The following MEGF11 variants were observed in gnomAD, a reference collection of about 807,000 sequenced individuals.
MEGF11 encodes multiple EGF like domains 11, also known as multiple epidermal growth factor-like domains protein 11.
Under a neutral mutation model 146.6 loss-of-function variants are expected in MEGF11, and 126 were observed. The observed-to-expected ratio is 0.86, with a 90% CI of 0.74 to 1.00. MEGF11 has a LOEUF of 1.00. Among genes scored for constraint, MEGF11 ranks in the 50% least tolerant of loss-of-function variants. The pLI, the probability that MEGF11 is intolerant of heterozygous loss-of-function variation, is 0.00. For synonymous variants in MEGF11, 532 were observed against 583.4 expected, an observed-to-expected ratio of 0.91 and a Z score of 1.27; for missense variants, 1,509 against 1,521.2, an observed-to-expected ratio of 0.99 and a Z score of 0.13.
intron 1 of MEGF11, among the ~76,000 whole-genome samples, chr15:66,229,208 CA>C (rs2091913504): frequency 6.6e-6 from 1 of 151,918 alleles, no homozygotes; most frequent in Admixed American, 6.6e-5. Flanking sequence ...CAAAGTCAAG[CA>C]GAAACAAATT....
intron 1 of MEGF11, among the ~76,000 whole-genome samples, chr15:66,183,297 C>T (rs1236943927): frequency 6.6e-6 from 1 of 151,990 alleles, no homozygotes; most frequent in African/African-American, 2.4e-5. Flanking sequence ...GTCAGGAGTT[C>T]GAGACCAACC....
At chr15:66,197,991 G>T (rs555121384) in intron 1 of MEGF11, among the ~76,000 whole-genome samples, 6 of 152,320 alleles carry the variant, frequency 3.9e-5, no homozygotes, top group African/African-American at 1.4e-4. Context: ...TTGGAAGGCC[G>T]CAGTGGGAGG....
At chr15:66,073,561 G>A (rs935466099) in intron 5 of MEGF11, among the ~76,000 whole-genome samples, 17 of 152,168 alleles carry the variant, frequency 1.1e-4, no homozygotes, top group Non-Finnish European at 2.4e-4. Flanking sequence ...TCCTTTCCAG[G>A]ATCTAACAGA....
chr15:66,080,804 AGTGT>A (rs2085816388), intron 5 of MEGF11, among the ~76,000 whole-genome samples: 1 of 152,174 alleles, frequency 6.6e-6, no homozygotes, highest in Admixed American at 6.5e-5. Flanking sequence ...ACTGTGCCCC[AGTGT>A]GTGGGGCTGA....
chr15:66,113,057 T>C (rs2087517907), intron 4 of MEGF11, among the ~76,000 whole-genome samples: 1 of 152,176 alleles, frequency 6.6e-6, no homozygotes, highest in Admixed American at 6.5e-5. Context: ...TAATTTGGCA[T>C]AGAGTTGACG....
intron 5 of MEGF11, among the ~76,000 whole-genome samples, chr15:66,047,842 T>C (rs532215190): frequency 3.3e-5 from 5 of 152,128 alleles, no homozygotes; most frequent in Non-Finnish European, 7.4e-5. Flanking sequence ...TTGGCCTACA[T>C]GCCCTCCCGT....
chr15:66,224,845 T>C (rs2091818008), intron 1 of MEGF11, among the ~76,000 whole-genome samples: 1 of 151,560 alleles, frequency 6.6e-6, no homozygotes, highest in African/African-American at 2.4e-5. Context: ...TCTCATTAAT[T>C]GGTTTAGTGA....
In MEGF11 at chr15:66,128,248, T is replaced by A. The variant is rs935705922; in HGVS notation, c.98+58A>T. The stretch of plus-strand genomic sequence containing the variant: ...TCTCCTGACTGCCTCTGTCCCCTAC[T>A]GCCATGCCCAGGGCGATCCCCCAGA... On this transcript the variant is annotated intron_variant, in intron 2 of 25. Transcript: ENST00000395614. The A allele has an allele frequency of 5.0e-5, 59 of 1,184,256 alleles. No individual in the cohort carries two copies. The African/African-American group carries it at 7.8e-4, about 16-fold the overall frequency. The allele number at this position is 1,184,256 out of a possible 1,614,324, so 73.4% of individuals were successfully genotyped here. A position where few individuals can be genotyped will look rare whatever the true frequency, so the allele number is the denominator to read the frequency against.
intron 1 of MEGF11, among the ~76,000 whole-genome samples, chr15:66,186,159 A>G (rs1365749938): frequency 6.6e-6 from 1 of 152,172 alleles, no homozygotes; most frequent in African/African-American, 2.4e-5. Context: ...AGGCTTCTCT[A>G]TCACTTTAGA....
In MEGF11 at chr15:66,186,631, G is replaced by T. The variant is rs117316219; in HGVS notation, c.-8-58220C>A. Reference sequence around the variant, plus strand: ...CGAGCCCCGGGCTGTGTCCATCACCGAGTGGTCCTGATCCAGCTAAGTCAA... The same window carrying T: ...CGAGCCCCGGGCTGTGTCCATCACCTAGTGGTCCTGATCCAGCTAAGTCAA... On this transcript the variant is annotated intron_variant, in intron 1 of 25. Transcript: ENST00000395614. Among the ~76,000 whole-genome samples, 364 of 152,298 alleles carry T rather than the reference G, an allele frequency of 2.4e-3. 7 individuals are homozygous for T. The East Asian group carries it at 0.047, about 20-fold the overall frequency.
At chr15:66,040,234 CAG>C (rs1360658494) in intron 5 of MEGF11, 2 of 154,838 alleles carry the variant, frequency 1.3e-5, no homozygotes, top group Non-Finnish European at 2.9e-5. Context: ...TTTAACAATT[CAG>C]AGAGGGGAAA....
At chr15:65,993,139 T>C (rs910568557) in intron 5 of MEGF11, among the ~76,000 whole-genome samples, 7 of 152,212 alleles carry the variant, frequency 4.6e-5, no homozygotes, top group Non-Finnish European at 1.5e-5. Flanking sequence ...CCTGCTGTTC[T>C]AGAGTCCAAG....
intron 1 of MEGF11, among the ~76,000 whole-genome samples, chr15:66,238,864 A>T (rs1729341971): frequency 6.6e-6 from 1 of 151,316 alleles, no homozygotes; most frequent in Non-Finnish European, 1.5e-5. Context: ...GTCACCTTCA[A>T]ATAAACCATC....
chr15:66,170,776 A>C (rs2090229525), intron 1 of MEGF11, among the ~76,000 whole-genome samples: 3 of 148,654 alleles, frequency 2.0e-5, no homozygotes, highest in South Asian at 2.2e-4. Flanking sequence ...CCCCATCCCC[A>C]CCTCCCTCCC....
At chr15:66,044,549 C>T (rs2084117200) in intron 5 of MEGF11, among the ~76,000 whole-genome samples, 1 of 152,064 alleles carries the variant, frequency 6.6e-6, no homozygotes, top group Non-Finnish European at 1.5e-5. Flanking sequence ...ATTAGGGGGT[C>T]ACTTTTCTTA....
At chr15:66,082,432 A>T (rs2085897911) in intron 5 of MEGF11, among the ~76,000 whole-genome samples, 1 of 15,674 alleles carries the variant, frequency 6.4e-5, no homozygotes, top group Non-Finnish European at 1.8e-4. Context: ...TACTAAAAAA[A>T]AAAAAAAAAA....
intron 5 of MEGF11, among the ~76,000 whole-genome samples, chr15:66,053,721 T>C (rs1161102376): frequency 3.1e-5 from 4 of 129,690 alleles, no homozygotes; most frequent in Non-Finnish European, 4.8e-5. Flanking sequence ...ACCAATTTTT[T>C]TTTTTTTTTT....
At chr15:65,980,403 T>TTTTTTTA (rs1395040647) in intron 7 of MEGF11, among the ~76,000 whole-genome samples, 1 of 133,466 alleles carries the variant, frequency 7.5e-6, no homozygotes, top group African/African-American at 2.7e-5. Context: ...AGCTTTTTTT[T>TTTTTTTA]TTTTTTTTTT....
At chr15:66,198,671 A>C (rs12916574) in intron 1 of MEGF11, among the ~76,000 whole-genome samples, 5 of 151,922 alleles carry the variant, frequency 3.3e-5, no homozygotes, top group African/African-American at 1.2e-4. Context: ...TTTTTGATAG[A>C]GACGGGGTTT....
Sources: gnomAD v4.1 joint callset for allele counts (sites outside exome capture counted in the v4.1 genomes callset) on GRCh38, gnomAD v4.1.1 for gene constraint, MANE v1.5 for transcripts, NCBI Gene and HGNC (gene_info 2026-07-23, HGNC 2026-07-21) for gene names.